Variants in TOP3A observed in about 807,000 individuals in gnomAD.
TOP3A encodes DNA topoisomerase III alpha.
In TOP3A, 64 loss-of-function variants were observed where a neutral mutation model predicts 111.3. The ratio of observed to expected loss-of-function variants is 0.57; its 90% CI spans 0.47 to 0.71. TOP3A has a LOEUF of 0.71. Ranked by LOEUF, TOP3A falls within the 30% of genes least tolerant of loss-of-function variation. TOP3A has a pLI of 0.00. For missense variants in TOP3A, 1,104 were observed against 1,285.0 expected, an observed-to-expected ratio of 0.86 and a Z score of 2.15; for synonymous variants, 484 against 485.1, an observed-to-expected ratio of 1.00 and a Z score of 0.03.
Position 18,290,598 on chromosome 17 carries a change from G to A in TOP3A, c.1556C>T (p.Thr519Ile), listed in dbSNP as rs1394193659. 2.5e-6 allele frequency: 4 copies of A among 1,610,166 alleles called. No homozygotes were observed. Among genetic ancestry groups the A allele is most frequent in the South Asian group, 2.2e-5 (2 of 90,622 alleles). The change falls in exon 13 of 19, where the codon ACC becomes ATC. Residue 519 changes from threonine to isoleucine, a missense_variant. Coordinates refer to ENST00000321105, the MANE Select transcript of TOP3A (RefSeq NM_004618.5). ...CATGAGGGCAATGAGGTCGGCCTCG[G>A]TGAGCAGCTTGGGTGGGCTGGTCTC... is the stretch of plus-strand genomic sequence containing the variant. ...DGETSPPKLL[T>I]EADLIALMEK... is the part of the protein sequence containing the mutation.
Position 18,290,995 on chromosome 17 carries a change from A to T in TOP3A, c.1314T>A (p.Val438=). The T allele has an allele frequency of 6.2e-7, 1 of 1,614,220 alleles. No individual in the cohort carries two copies. Among genetic ancestry groups the T allele is most frequent in the South Asian group, 1.1e-5 (1 of 91,090 alleles). ...GDEQRLYEFI[V]RHFLACCSQD... ...GGGAGCAGCAAGCCAGGAAATGGCG[A>T]ACAATAAACTCGTACAGTCGCTGTT... is the stretch of plus-strand genomic sequence containing the variant. Residue 438 remains valine, a synonymous_variant, in exon 12 of 19, where the codon GTT becomes GTA. Transcript: ENST00000321105.
chr17:18,278,008 C>A lies in TOP3A; in HGVS notation c.2494G>T (p.Gly832Cys). 1 of 1,614,152 alleles carries A rather than the reference C, an allele frequency of 6.2e-7. No homozygotes were observed. Among genetic ancestry groups the A allele is most frequent in the Non-Finnish European group, 8.5e-7 (1 of 1,180,042 alleles). The change falls in exon 18 of 19, where the codon GGC becomes TGC. Residue 832 changes from glycine (G) to cysteine (C), a missense_variant. Transcript: ENST00000321105. Reference sequence around the variant, plus strand: ...CCGTTGCACTTAAAGAACTGCCGGCCCCGGTTGGGGCCCTCCTTACGGACA... The same window carrying A: ...CCGTTGCACTTAAAGAACTGCCGGCACCGGTTGGGGCCCTCCTTACGGACA... The part of the protein sequence containing the change: ...LTVRKEGPNR[G>C]RQFFKCNGGS...
intron 9 of TOP3A, among the ~76,000 whole-genome samples, chr17:18,295,745 C>T (rs1451106017): frequency 6.6e-6 from 1 of 151,890 alleles, no homozygotes; most frequent in Non-Finnish European, 1.5e-5. Flanking sequence ...AGGCGTGAGC[C>T]ACCGCGTCTG....
rs1433474205 is a variant in TOP3A at position 18,302,414 on chromosome 17, G to A, written c.664C>T (p.Gln222Ter). 6.2e-7 allele frequency: 1 copy of A among 1,610,442 alleles called. No homozygotes were observed. Residue 222 changes from glutamine to a stop codon, truncating the protein, a stop_gained, in exon 7 of 19, where the codon CAG becomes TAG. Coordinates refer to ENST00000321105, the MANE Select transcript of TOP3A (RefSeq NM_004618.5). LOFTEE classifies it high-confidence loss of function. Reference sequence around the variant, plus strand: ...AAAATCCTCTGAAGCCGCAGGGTCTGGAACCTAGTAAAGGCAGCTCCTGGA... The same window carrying A: ...AAAATCCTCTGAAGCCGCAGGGTCTAGAACCTAGTAAAGGCAGCTCCTGGA... ...LRIGAAFTRFQTLRLQRIFPE... is the reference protein window; with the variant it reads ...LRIGAAFTRF
In TOP3A at chr17:18,271,892, G is replaced by A. The variant is rs540190683; in HGVS notation, c.*2910C>T. The A allele has an allele frequency of 1.6e-4, 53 of 341,930 alleles. No homozygotes were observed. Among genetic ancestry groups the A allele is most frequent in the Admixed American group, 3.9e-4 (9 of 23,134 alleles). The allele number at this position is 341,930 out of a possible 1,614,324, so 21.2% of individuals were successfully genotyped here. On this transcript the variant is annotated 3_prime_UTR_variant, in exon 19 of 19. Transcript: ENST00000321105. ...AGCCTGGCCAACATGGTGAAACCCC[G>A]TCTTTACTAAAAATACTAAACAAAT...
intron 13 of TOP3A, among the ~76,000 whole-genome samples, chr17:18,289,685 A>C (rs1485412260): frequency 6.6e-6 from 1 of 152,162 alleles, no homozygotes; most frequent in Non-Finnish European, 1.5e-5. Flanking sequence ...GAGCCACCAC[A>C]CCCAGCCTTC....
intron 5 of TOP3A, 134 bp from the exon 6 acceptor site, chr17:18,302,857 AT>A: frequency 1.0e-6 from 1 of 987,778 alleles, no homozygotes; most frequent in Non-Finnish European, 1.5e-6. Context: ...CAATTTACCT[AT>A]TAGGTTAAAT....
Position 18,285,020 on chromosome 17 carries a change from GGCTCAC to G in TOP3A, c.1877+116_1877+121del, listed in dbSNP as rs1324001939. 4 of 1,159,016 alleles carry G rather than the reference GGCTCAC, an allele frequency of 3.5e-6. No individual in the cohort carries two copies. The African/African-American group carries it at 4.6e-5, about 13-fold the overall frequency. The allele number at this position is 1,159,016 out of a possible 1,614,324, so 71.8% of individuals were successfully genotyped here. ...AAACTCTGACTGGCCCAGATGCGGT[GGCTCAC>G]GCCTGTAATCCCCACACTTTGGGAG... On this transcript the variant is annotated intron_variant, in intron 15 of 18. Coordinates refer to ENST00000321105, the MANE Select transcript of TOP3A (RefSeq NM_004618.5).
chr17:18,299,619 A>G lies in TOP3A; in HGVS notation c.930T>C (p.Thr310=), dbSNP rs1413029345. The G allele has an allele frequency of 6.2e-7, 1 of 1,614,110 alleles. No individual in the cohort carries two copies. Among genetic ancestry groups the G allele is most frequent in the Admixed American group, 1.7e-5 (1 of 60,018 alleles). Reference sequence around the variant, plus strand: ...TGGGCTTAGATCTGACCTCTACCACAGTTGCCATGGGATCCTAGAAAGCCA... The same window carrying G: ...TGGGCTTAGATCTGACCTCTACCACGGTTGCCATGGGATCCTAGAAAGCCA... The part of the protein sequence containing the change: ...YQLCVEDPMA[T]VVEVRSKPKS... The change falls in exon 9 of 19, where the codon ACT becomes ACC. Residue 310 remains threonine (T), a synonymous_variant. Coordinates refer to ENST00000321105, the MANE Select transcript of TOP3A (RefSeq NM_004618.5).
chr17:18,314,390 C>T (rs559967277), intron 1 of TOP3A, among the ~76,000 whole-genome samples: 3 of 152,228 alleles, frequency 2.0e-5, no homozygotes, highest in Admixed American at 6.5e-5. Context: ...AAGGTTTCCA[C>T]GCAAATGAGT....
At chr17:18,308,483 A>G in intron 2 of TOP3A, 59 bp from the exon 3 acceptor site, 4 of 1,188,252 alleles carry the variant, frequency 3.4e-6, no homozygotes, top group Non-Finnish European at 4.9e-6. Flanking sequence ...ATTCTGCCAA[A>G]TCATTAAAAT....
Position 18,307,683 on chromosome 17 carries a change from AAAG to A in TOP3A, c.314+665_314+667del, listed in dbSNP as rs1299823242. The A allele has an allele frequency of 5.3e-5, 8 of 152,068 alleles. No homozygotes were observed. In the East Asian group the frequency reaches 1.4e-3, roughly 26 times the overall value. 9.4% of individuals were successfully genotyped at this position (152,068 alleles called of 1,614,324 possible). A position where few individuals can be genotyped will look rare whatever the true frequency, so the allele number is the denominator to read the frequency against. On this transcript the variant is annotated intron_variant, in intron 3 of 18. Coordinates refer to ENST00000321105, the MANE Select transcript of TOP3A (RefSeq NM_004618.5). ...TGTAATCCTAGCACTTTGGGAGGCAAAAGAAGGCAAACCCTGCTTTGTTTAAGA... is the reference window on the plus strand; with the variant it reads ...TGTAATCCTAGCACTTTGGGAGGCAAAAGGCAAACCCTGCTTTGTTTAAGA...
chr17:18,287,490 C>T (rs1285361636), intron 13 of TOP3A, among the ~76,000 whole-genome samples: 2 of 151,906 alleles, frequency 1.3e-5, no homozygotes, highest in Admixed American at 6.6e-5. Context: ...CGTGCCACTA[C>T]ACTCCAGCCT....
intron 4 of TOP3A, among the ~76,000 whole-genome samples, chr17:18,305,451 T>C (rs1028458658): frequency 6.7e-6 from 1 of 150,218 alleles, no homozygotes; most frequent in African/African-American, 2.5e-5. Context: ...TTCCCCAATA[T>C]GACAAAACCT....
chr17:18,308,670 C>CTTTT, intron 2 of TOP3A: 26 of 407,976 alleles, frequency 6.4e-5, no homozygotes, highest in Non-Finnish European at 9.5e-5. Flanking sequence ...TGTATATTAG[C>CTTTT]TTTTTTTTTT....
At position 18,272,313 on chromosome 17, in the gene TOP3A, C is replaced by A. The variant is rs1056614890; in HGVS notation, c.*2489G>T. 6.6e-6 allele frequency among the ~76,000 whole-genome samples: 1 copy of A among 152,184 alleles called. No homozygotes were observed. The highest frequency in any genetic ancestry group is 2.4e-5 in the African/African-American group (1 of 41,446). Reference sequence around the variant, plus strand: ...TCACAAGGATATGGAGAAGCAGTAACCCTGGTGTGCTGCTGGTGGGTGTAA... The same window carrying A: ...TCACAAGGATATGGAGAAGCAGTAAACCTGGTGTGCTGCTGGTGGGTGTAA... On this transcript the variant is annotated 3_prime_UTR_variant, in exon 19 of 19. Transcript: ENST00000321105.
At chr17:18,293,452 A>ATT (rs796749830) in intron 10 of TOP3A, among the ~76,000 whole-genome samples, 18 of 142,432 alleles carry the variant, frequency 1.3e-4, no homozygotes, top group African/African-American at 2.6e-4. Context: ...TGCCTGGCTA[A>ATT]TTTTTTTTTT....
intron 2 of TOP3A, 81 bp from the exon 3 acceptor site, chr17:18,308,505 G>GCTT: frequency 3.1e-6 from 3 of 957,016 alleles, no homozygotes; most frequent in Non-Finnish European, 4.7e-6. Flanking sequence ...AGAGGGAGGA[G>GCTT]CTTCTATTAA....
rs142907713 is a variant in TOP3A at position 18,271,829 on chromosome 17, G to A, written c.*2973C>T. Reference sequence around the variant, plus strand: ...GTTAATCCTAGCACTTTGGGAGGCCGAGGCTGGTAGATCACCTGAGGTCAC... The same window carrying A: ...GTTAATCCTAGCACTTTGGGAGGCCAAGGCTGGTAGATCACCTGAGGTCAC... On this transcript the variant is annotated 3_prime_UTR_variant, in exon 19 of 19. Coordinates refer to ENST00000321105, the MANE Select transcript of TOP3A (RefSeq NM_004618.5). 2.2e-3 allele frequency: 934 copies of A among 428,328 alleles called. 6 individuals are homozygous for A. Among genetic ancestry groups the A allele is most frequent in the African/African-American group, 0.018 (866 of 47,162 alleles). The allele number at this position is 428,328 out of a possible 1,614,324, so 26.5% of individuals were successfully genotyped here. A position where few individuals can be genotyped will look rare whatever the true frequency, so the allele number is the denominator to read the frequency against.
Sources: allele counts gnomAD v4.1 joint callset (sites outside exome capture counted in the v4.1 genomes callset), GRCh38; gene constraint gnomAD v4.1.1; transcripts MANE v1.5; gene names NCBI Gene and HGNC (gene_info 2026-07-23, HGNC 2026-07-21).